PLGRKT: variants seen among roughly 807,000 people sequenced by gnomAD.
The protein encoded by PLGRKT is plasminogen receptor with a C-terminal lysine.
PLGRKT carries 22 observed loss-of-function variants against 18.5 expected under a neutral mutation model. The observed-to-expected ratio is 1.19, with a 90% CI of 0.85 to 1.70. The LOEUF (loss-of-function observed/expected upper bound fraction) is 1.70, where lower values mean the gene tolerates loss of function less well. Ranked by LOEUF, PLGRKT falls within the 40% of genes most tolerant of loss-of-function variation. The pLI, the probability that PLGRKT is intolerant of heterozygous loss-of-function variation, is 0.00. For missense variants in PLGRKT, 235 were observed against 174.4 expected, an observed-to-expected ratio of 1.35 and a Z score of -1.96; for synonymous variants, 72 against 52.8, an observed-to-expected ratio of 1.36 and a Z score of -1.58.
At chr9:5,417,300 C>T (rs1818480936) in intron 3 of PLGRKT, among the ~76,000 whole-genome samples, 1 of 152,038 alleles carries the variant, frequency 6.6e-6, no homozygotes, top group South Asian at 2.1e-4. Context: ...AAGAATGGAC[C>T]TCATACCAAG....
Position 5,424,547 on chromosome 9 carries a change from T to C in PLGRKT, c.81+7350A>G, listed in dbSNP as rs918525139. Among the ~76,000 whole-genome samples, 5 of 133,274 alleles carry C rather than the reference T, an allele frequency of 3.8e-5. No individual in the cohort carries two copies. The Admixed American group carries it at 4.1e-4, about 11-fold the overall frequency. The allele number at this position is 133,274 out of a possible 152,430, so 87.4% of individuals were successfully genotyped here. On this transcript the variant is annotated intron_variant, in intron 3 of 5. Transcript: ENST00000223864. ...TATATATTATTAACATATATGTTAA[T>C]ATGTTTATATAATACAATATAATAT...
In PLGRKT at chr9:5,358,081, G is replaced by A. The variant is rs1817177708; in HGVS notation, c.*158C>T. The A allele has an allele frequency of 1.9e-6, 1 of 528,952 alleles. No individual in the cohort carries two copies. Among genetic ancestry groups the A allele is most frequent in the South Asian group, 3.7e-5 (1 of 26,976 alleles). The allele number at this position is 528,952 out of a possible 1,614,324, so 32.8% of individuals were successfully genotyped here. On this transcript the variant is annotated 3_prime_UTR_variant, in exon 6 of 6. Transcript: ENST00000223864. ...GCACCTCCATGATTTTGTGTTGAAT[G>A]TTATAAATTTTATTTTAAAATAGCT...
chr9:5,390,572 AG>A lies in PLGRKT; in HGVS notation c.82-28685del, dbSNP rs561326927. On this transcript the variant is annotated intron_variant, in intron 3 of 5. Transcript: ENST00000223864. ...TATTCTCCTTGGCATTTGATAATTC[AG>A]CAAATCAAGTTGGGGTTAGTGGCTT... is the stretch of plus-strand genomic sequence containing the variant. Among the ~76,000 whole-genome samples, 1,231 of 151,986 alleles carry A rather than the reference AG, an allele frequency of 8.1e-3. 16 individuals are homozygous for A. The highest frequency in any genetic ancestry group is 0.037 in the Middle Eastern group (11 of 294).
intron 3 of PLGRKT, among the ~76,000 whole-genome samples, chr9:5,395,815 A>C (rs1165853973): frequency 1.3e-5 from 2 of 151,866 alleles, no homozygotes; most frequent in African/African-American, 4.9e-5. Context: ...CATTGACAAA[A>C]AAAAAGGTGG....
At chr9:5,387,366 T>C (rs906019476) in intron 3 of PLGRKT, among the ~76,000 whole-genome samples, 1 of 151,746 alleles carries the variant, frequency 6.6e-6, no homozygotes, top group Non-Finnish European at 1.5e-5. Context: ...ATAGCAACAA[T>C]TGCCATAATA....
chr9:5,362,673 T>A (rs1196205305), intron 3 of PLGRKT, among the ~76,000 whole-genome samples: 1 of 152,192 alleles, frequency 6.6e-6, no homozygotes, highest in Non-Finnish European at 1.5e-5. Context: ...AGGGAGTTCA[T>A]GATGCAAGGA....
intron 3 of PLGRKT, among the ~76,000 whole-genome samples, chr9:5,365,498 C>A (rs1817365264): frequency 7.1e-6 from 1 of 140,282 alleles, no homozygotes; most frequent in African/African-American, 2.6e-5. Context: ...AACTCCCACC[C>A]CTTGATCTTG....
At chr9:5,419,606 G>A (rs1160805140) in intron 3 of PLGRKT, among the ~76,000 whole-genome samples, 5 of 151,890 alleles carry the variant, frequency 3.3e-5, no homozygotes, top group East Asian at 3.9e-4. Flanking sequence ...TTAAGCCCAC[G>A]AAAACATATT....
intron 3 of PLGRKT, among the ~76,000 whole-genome samples, chr9:5,387,855 G>C (rs983576709): frequency 6.6e-6 from 1 of 151,806 alleles, no homozygotes; most frequent in Non-Finnish European, 1.5e-5. Context: ...GCAGTTAGGA[G>C]GCTATAGCAC....
chr9:5,390,187 T>C (rs1817921201), intron 3 of PLGRKT, among the ~76,000 whole-genome samples: 1 of 151,418 alleles, frequency 6.6e-6, no homozygotes, highest in African/African-American at 2.4e-5. Flanking sequence ...CTAATTCAGT[T>C]CTTCTGTGTG....
intron 3 of PLGRKT, among the ~76,000 whole-genome samples, chr9:5,391,371 T>G (rs1817946985): frequency 6.6e-6 from 1 of 152,018 alleles, no homozygotes; most frequent in Non-Finnish European, 1.5e-5. Flanking sequence ...AAAGTCATCC[T>G]GCTGCAATAC....
At chr9:5,402,842 A>G (rs1818181045) in intron 3 of PLGRKT, among the ~76,000 whole-genome samples, 1 of 151,994 alleles carries the variant, frequency 6.6e-6, no homozygotes, top group Non-Finnish European at 1.5e-5. Context: ...AAATTTAGGA[A>G]GAAATGATGG....
At chr9:5,359,197 G>A (rs1817206566) in intron 5 of PLGRKT, among the ~76,000 whole-genome samples, 1 of 151,914 alleles carries the variant, frequency 6.6e-6, no homozygotes, top group South Asian at 2.1e-4. Context: ...TGAGTAGCTG[G>A]GACTACAGGT....
At position 5,361,106 on chromosome 9, in the gene PLGRKT, G is replaced by T. The variant is rs534443861; in HGVS notation, c.294C>A (p.Gly98=). The change falls in exon 5 of 6, where the codon GGC becomes GGA. Residue 98 remains glycine (G), a synonymous_variant. Coordinates refer to ENST00000223864, the MANE Select transcript of PLGRKT (RefSeq NM_018465.4). ...SFILTYQYDL[G]YGTLLERMKG... ...TCATTCTTTCTAAAAGGGTTCCATAGCCCAAGTCATACTGGTAGGTGAGGA... is the reference window on the plus strand; with the variant it reads ...TCATTCTTTCTAAAAGGGTTCCATATCCCAAGTCATACTGGTAGGTGAGGA... The T allele has an allele frequency of 1.9e-5, 31 of 1,595,926 alleles. No individual in the cohort carries two copies. In the South Asian group the frequency reaches 3.0e-4, roughly 15 times the overall value.
chr9:5,418,523 C>A lies in PLGRKT; in HGVS notation c.81+13374G>T. On this transcript the variant is annotated intron_variant, in intron 3 of 5. Transcript: ENST00000223864. The surrounding 1 kb of genome is among the most constrained non-coding windows in gnomAD (Gnocchi z 4.2). Reference sequence around the variant, plus strand: ...ACCATGCCCCGCCTGTCCTGCTCCTCCTCCGCCACCCCCTGGGGAGCCCTG... The same window carrying A: ...ACCATGCCCCGCCTGTCCTGCTCCTACTCCGCCACCCCCTGGGGAGCCCTG... 1.0e-6 allele frequency: 1 copy of A among 978,070 alleles called. No individual in the cohort carries two copies. The highest frequency in any genetic ancestry group is 1.6e-6 in the Non-Finnish European group (1 of 609,274). 60.6% of individuals were successfully genotyped at this position (978,070 alleles called of 1,614,324 possible). A position where few individuals can be genotyped will look rare whatever the true frequency, so the allele number is the denominator to read the frequency against.
rs1253504165 is a variant in PLGRKT at position 5,418,710 on chromosome 9, G to A, written c.81+13187C>T. ...ACCCACTGCCGGGAAGTCTGATGAA[G>A]ACCGGCATGTGCTCCGAAGCGTGTG... On this transcript the variant is annotated intron_variant, in intron 3 of 5. Coordinates refer to ENST00000223864, the MANE Select transcript of PLGRKT (RefSeq NM_018465.4). This position sits in a 1 kb window ranked among gnomAD's most constrained non-coding sequence, Gnocchi z 4.2. 3.0e-6 allele frequency: 2 copies of A among 666,596 alleles called. No homozygotes were observed. The highest frequency in any genetic ancestry group is 2.1e-5 in the Admixed American group (1 of 47,572). 41.3% of individuals were successfully genotyped at this position (666,596 alleles called of 1,614,324 possible). A position where few individuals can be genotyped will look rare whatever the true frequency, so the allele number is the denominator to read the frequency against.
chr9:5,360,375 T>A (rs1300609217), intron 5 of PLGRKT, among the ~76,000 whole-genome samples: 1 of 152,240 alleles, frequency 6.6e-6, no homozygotes, highest in Non-Finnish European at 1.5e-5. Context: ...CTCATGTTTC[T>A]GTTTCAAGGA....
At chr9:5,437,224 G>A (rs1164758191) in intron 1 of PLGRKT, among the ~76,000 whole-genome samples, 6 of 152,290 alleles carry the variant, frequency 3.9e-5, no homozygotes, top group Admixed American at 3.3e-4. Context: ...TCACCCGTGA[G>A]TACCTAGATT....
intron 3 of PLGRKT, among the ~76,000 whole-genome samples, chr9:5,431,066 G>T (rs192653873): frequency 6.6e-6 from 1 of 152,280 alleles, no homozygotes; most frequent in African/African-American, 2.4e-5. Context: ...TCCAAAATGG[G>T]CTGGCAGGAC....
Sources: allele counts gnomAD v4.1 joint callset (sites outside exome capture counted in the v4.1 genomes callset), GRCh38; gene constraint gnomAD v4.1.1; non-coding constraint Gnocchi (gnomAD v3.1); transcripts MANE v1.5; gene names NCBI Gene and HGNC (gene_info 2026-07-23, HGNC 2026-07-21).